The following RABGEF1 variants were observed in gnomAD, a reference collection of about 807,000 sequenced individuals.
RABGEF1 encodes rab5 GDP/GTP exchange factor.
Under a neutral mutation model 57.3 loss-of-function variants are expected in RABGEF1, and 26 were observed. The observed-to-expected ratio is 0.45, with a 90% CI of 0.33 to 0.63. RABGEF1 has a LOEUF of 0.63. RABGEF1 is among the 20% of genes least tolerant of loss of function. The pLI is 0.02. For missense variants in RABGEF1, 464 were observed against 607.6 expected (o/e 0.76, Z 2.48); for synonymous variants, 185 against 210.7 (o/e 0.88, Z 1.06).
chr7:66,661,542 C>T, the RABGEF1 span, among the ~76,000 whole-genome samples: 1 of 151,536 alleles, frequency 6.6e-6, no homozygotes, highest in African/African-American at 2.4e-5. Context: ...CATTGCACTC[C>T]AGCCTGGGGG....
At chr7:66,708,373 C>T (rs1364701725) in intron 1 of RABGEF1, among the ~76,000 whole-genome samples, 4 of 151,790 alleles carry the variant, frequency 2.6e-5, no homozygotes, top group South Asian at 2.1e-4. Context: ...CTGCAACCTT[C>T]GCTTCCTGGG....
chr7:66,727,369 T>TCCAC (rs1796705511), intron 2 of RABGEF1, among the ~76,000 whole-genome samples: 1 of 152,206 alleles, frequency 6.6e-6, no homozygotes, highest in African/African-American at 2.4e-5. Flanking sequence ...TCCAATACCT[T>TCCAC]CCACGGCCTC....
Position 66,809,128 on chromosome 7 carries a change from T to C in RABGEF1, c.1320T>C (p.Asp440=), listed in dbSNP as rs1789121738. 1 of 1,614,104 alleles carries C rather than the reference T, an allele frequency of 6.2e-7. No individual in the cohort carries two copies. The highest frequency in any genetic ancestry group is 1.3e-5 in the African/African-American group (1 of 74,988). ...EAKKLEKDLI[D]WTDGIAREVQ... ...AGAAACTGGAAAAAGACCTCATAGA[T>C]TGGACAGATGGAATTGCAAGAGAAG... The change falls in exon 9 of 9, where the codon GAT becomes GAC. Residue 440 remains aspartate, a synonymous_variant. Transcript: ENST00000284957.
chr7:66,703,694 T>C (rs1793622515), intron 1 of RABGEF1, among the ~76,000 whole-genome samples: 1 of 152,220 alleles, frequency 6.6e-6, no homozygotes, highest in African/African-American at 2.4e-5. Flanking sequence ...TCTTAATTAC[T>C]GTAGCTTTGT....
At chr7:66,655,966 C>T in the RABGEF1 span, among the ~76,000 whole-genome samples, 1 of 152,126 alleles carries the variant, frequency 6.6e-6, no homozygotes, top group Admixed American at 6.5e-5. Context: ...AGGAGGGAGT[C>T]GGGCATTTAG....
At chr7:66,730,225 A>G (rs1797143630) in intron 2 of RABGEF1, among the ~76,000 whole-genome samples, 1 of 152,112 alleles carries the variant, frequency 6.6e-6, no homozygotes, top group Non-Finnish European at 1.5e-5. Flanking sequence ...CAGGGCTTCC[A>G]TCTCAGACCA....
At chr7:66,777,944 T>C (rs1253280876) in intron 3 of RABGEF1, among the ~76,000 whole-genome samples, 2 of 152,262 alleles carry the variant, frequency 1.3e-5, no homozygotes, top group African/African-American at 2.4e-5. Flanking sequence ...CTTTAGTTGC[T>C]TTTTGTCTGT....
At chr7:66,663,143 A>T in the RABGEF1 span, among the ~76,000 whole-genome samples, 1 of 152,370 alleles carries the variant, frequency 6.6e-6, no homozygotes, top group African/African-American at 2.4e-5. Context: ...CAGTTAACTA[A>T]CCCAACCTAT....
intron 1 of RABGEF1, among the ~76,000 whole-genome samples, chr7:66,759,864 C>T (rs1803818229): frequency 1.3e-5 from 2 of 152,198 alleles, no homozygotes; most frequent in African/African-American, 4.8e-5. Context: ...GACACAGTTC[C>T]AAACCATATC....
At chr7:66,664,699 C>T in the RABGEF1 span, among the ~76,000 whole-genome samples, 28 of 152,328 alleles carry the variant, frequency 1.8e-4, no homozygotes, top group Admixed American at 1.5e-3. Context: ...TCTGGCTCCC[C>T]TCTGGAGGCC....
chr7:66,661,298 CAAAA>C, the RABGEF1 span, among the ~76,000 whole-genome samples: 9 of 78,026 alleles, frequency 1.2e-4, no homozygotes, highest in African/African-American at 2.7e-4. Flanking sequence ...GACTCCATCT[CAAAA>C]AAAAAAAAAA....
At chr7:66,748,428 A>C (rs975272297) in intron 1 of RABGEF1, among the ~76,000 whole-genome samples, 1 of 152,168 alleles carries the variant, frequency 6.6e-6, no homozygotes, top group Non-Finnish European at 1.5e-5. Flanking sequence ...GTGCTTCCTC[A>C]CAAGTTCCTT....
At chr7:66,690,750 A>G (rs181057313) in intron 1 of RABGEF1, among the ~76,000 whole-genome samples, 5 of 152,074 alleles carry the variant, frequency 3.3e-5, no homozygotes, top group African/African-American at 9.6e-5. Context: ...ATTTACAAAA[A>G]GAGAAAACAC....
At chr7:66,734,065 G>A (rs1454282683) in intron 2 of RABGEF1, among the ~76,000 whole-genome samples, 1 of 152,102 alleles carries the variant, frequency 6.6e-6, no homozygotes, top group Non-Finnish European at 1.5e-5. Flanking sequence ...CCTTTTTTCT[G>A]TGGCCCCATT....
upstream of RABGEF1, chr7:66,740,356 T>G (rs868595013): frequency 6.6e-5 from 10 of 152,246 alleles, no homozygotes; most frequent in Admixed American, 2.0e-4. Context: ...GCGCAGTAGC[T>G]CCGCTCCACC....
chr7:66,741,388 G>T (rs181524611), intron 1 of RABGEF1, among the ~76,000 whole-genome samples: 120 of 152,356 alleles, frequency 7.9e-4, no homozygotes, highest in Admixed American at 7.0e-3. Flanking sequence ...CGGGGCCGGG[G>T]TTAGGAGCAG....
intron 1 of RABGEF1, among the ~76,000 whole-genome samples, chr7:66,699,988 C>T (rs1392633522): frequency 1.3e-5 from 2 of 152,222 alleles, no homozygotes; most frequent in Non-Finnish European, 1.5e-5. Context: ...TCATCCTCTC[C>T]GGGCTCCTCT....
chr7:66,673,398 C>T, the RABGEF1 span, among the ~76,000 whole-genome samples: 1 of 151,964 alleles, frequency 6.6e-6, no homozygotes, highest in Admixed American at 6.6e-5. Context: ...GCTGGACCAT[C>T]GTGGATGTGG....
chr7:66,658,022 GA>G, the RABGEF1 span, among the ~76,000 whole-genome samples: 1 of 152,144 alleles, frequency 6.6e-6, no homozygotes, highest in African/African-American at 2.4e-5. Flanking sequence ...CAGCAAAATT[GA>G]CAAATTTTTA....
Sources: gnomAD v4.1 joint callset for allele counts (sites outside exome capture counted in the v4.1 genomes callset) on GRCh38, gnomAD v4.1.1 for gene constraint, MANE v1.5 for transcripts, NCBI Gene and HGNC (gene_info 2026-07-23, HGNC 2026-07-21) for gene names.